The following CNIH3 variants were observed in gnomAD, a reference collection of about 807,000 sequenced individuals.
CNIH3 encodes cornichon family AMPA receptor auxiliary protein 3.
CNIH3 carries 14 observed loss-of-function variants against 24.1 expected under a neutral mutation model. The observed-to-expected ratio is 0.58, with a 90% CI of 0.38 to 0.91. The LOEUF is 0.91. Among genes scored for constraint, CNIH3 ranks in the 40% least tolerant of loss-of-function variants. CNIH3 has a pLI of 0.00. For missense variants in CNIH3, 178 were observed against 196.8 expected (o/e 0.90, Z 0.57); for synonymous variants, 68 against 73.8 (o/e 0.92, Z 0.40).
intron 1 of CNIH3, among the ~76,000 whole-genome samples, chr1:224,477,119 A>G (rs1676618755): frequency 6.6e-6 from 1 of 152,138 alleles, no homozygotes; most frequent in East Asian, 1.9e-4. Context: ...CCTCCCCATG[A>G]GCCTCCCCAT....
chr1:224,605,002 GA>G (rs1387428590), intron 3 of CNIH3, among the ~76,000 whole-genome samples: 1 of 152,186 alleles, frequency 6.6e-6, no homozygotes, highest in Non-Finnish European at 1.5e-5. Context: ...TATGGATTCA[GA>G]ATGGGGAATG....
chr1:224,735,662 T>A (rs993950061), intron 5 of CNIH3, among the ~76,000 whole-genome samples: 20 of 152,164 alleles, frequency 1.3e-4, no homozygotes, highest in Non-Finnish European at 4.4e-5. Context: ...TATTATTTTT[T>A]AATTTTTATT....
intron 3 of CNIH3, among the ~76,000 whole-genome samples, chr1:224,547,551 G>T (rs979200944): frequency 6.6e-6 from 1 of 151,880 alleles, no homozygotes; most frequent in Non-Finnish European, 1.5e-5. Context: ...AACACCCTGT[G>T]TGTACACCCC....
At chr1:224,737,608 C>T (rs1281220399) in intron 5 of CNIH3, among the ~76,000 whole-genome samples, 2 of 152,014 alleles carry the variant, frequency 1.3e-5, no homozygotes, top group Non-Finnish European at 1.5e-5. Flanking sequence ...GAAGGGGACT[C>T]GTGTATGCAG....
At chr1:224,534,343 G>GT (rs1679198494) in intron 2 of CNIH3, among the ~76,000 whole-genome samples, 1 of 152,212 alleles carries the variant, frequency 6.6e-6, no homozygotes, top group South Asian at 2.1e-4. Flanking sequence ...GTCTGGTGGA[G>GT]TCTGGAAAAT....
intron 4 of CNIH3, among the ~76,000 whole-genome samples, chr1:224,580,713 G>A (rs1241634918): frequency 6.6e-6 from 1 of 151,878 alleles, no homozygotes; most frequent in Non-Finnish European, 1.5e-5. Flanking sequence ...TATAATCCCA[G>A]CTACTTGGGA....
At chr1:224,526,540 C>A (rs940276168) in intron 2 of CNIH3, among the ~76,000 whole-genome samples, 1 of 152,086 alleles carries the variant, frequency 6.6e-6, no homozygotes, top group Non-Finnish European at 1.5e-5. Flanking sequence ...GGTGGGAGAG[C>A]AGATTCACTT....
chr1:224,558,656 T>C (rs369471167), intron 3 of CNIH3, among the ~76,000 whole-genome samples: 12 of 152,276 alleles, frequency 7.9e-5, no homozygotes, highest in African/African-American at 2.9e-4. Context: ...CAGTCCCTAG[T>C]GGGGAAAAAG....
At chr1:224,517,189 G>A (rs1275354754) in intron 1 of CNIH3, among the ~76,000 whole-genome samples, 1 of 152,124 alleles carries the variant, frequency 6.6e-6, no homozygotes, top group Non-Finnish European at 1.5e-5. Flanking sequence ...GGCGGCGGTG[G>A]TGGGATGACC....
intron 1 of CNIH3, among the ~76,000 whole-genome samples, chr1:224,649,598 A>T (rs1443686696): frequency 6.6e-6 from 1 of 152,216 alleles, no homozygotes; most frequent in Non-Finnish European, 1.5e-5. Flanking sequence ...ATTTAACTCT[A>T]ACCCCCAAGT....
chr1:224,589,479 C>T (rs1681659119), downstream of CNIH3, among the ~76,000 whole-genome samples: 1 of 152,214 alleles, frequency 6.6e-6, no homozygotes, highest in Non-Finnish European at 1.5e-5. Context: ...GAGTGAGCTG[C>T]AGCCTGCAGC....
At chr1:224,626,100 TG>T (rs1329368357) in intron 1 of CNIH3, among the ~76,000 whole-genome samples, 2 of 152,316 alleles carry the variant, frequency 1.3e-5, no homozygotes, top group East Asian at 3.9e-4. Flanking sequence ...TTCTAGGACC[TG>T]GAGGGTCTTT....
intron 3 of CNIH3, among the ~76,000 whole-genome samples, chr1:224,552,387 A>G (rs1475276939): frequency 6.6e-6 from 1 of 151,594 alleles, no homozygotes; most frequent in Non-Finnish European, 1.5e-5. Context: ...GGAGTAATAT[A>G]TCATCTCCCT....
At chr1:224,631,879 C>T (rs921795178) in intron 1 of CNIH3, among the ~76,000 whole-genome samples, 1 of 152,062 alleles carries the variant, frequency 6.6e-6, no homozygotes, top group Non-Finnish European at 1.5e-5. Context: ...GAGTTGATAG[C>T]AACATAGCCA....
At chr1:224,462,053 G>A (rs1001761496) in intron 1 of CNIH3, among the ~76,000 whole-genome samples, 1 of 151,962 alleles carries the variant, frequency 6.6e-6, no homozygotes, top group African/African-American at 2.4e-5. Flanking sequence ...TGAGCTGAAA[G>A]TACAGGGTGT....
chr1:224,689,585 G>A (rs1287798947), intron 3 of CNIH3, among the ~76,000 whole-genome samples: 2 of 152,212 alleles, frequency 1.3e-5, no homozygotes, highest in Non-Finnish European at 2.9e-5. Context: ...GTTGGGGATG[G>A]CGGGGAGGGT....
chr1:224,482,446 C>T (rs1312203938), intron 1 of CNIH3, among the ~76,000 whole-genome samples: 1 of 152,054 alleles, frequency 6.6e-6, no homozygotes, highest in Non-Finnish European at 1.5e-5. Context: ...GCTCTTTAGT[C>T]AGCAGATGAT....
intron 5 of CNIH3, among the ~76,000 whole-genome samples, chr1:224,586,663 C>T (rs1681523217): frequency 1.3e-5 from 2 of 152,306 alleles, no homozygotes; most frequent in Admixed American, 1.3e-4. Context: ...TGTGTTCACC[C>T]AGAACCTCAG....
intron 4 of CNIH3, among the ~76,000 whole-genome samples, chr1:224,733,733 A>G (rs1689453128): frequency 6.6e-6 from 1 of 152,170 alleles, no homozygotes; most frequent in African/African-American, 2.4e-5. Context: ...TACCAGAATG[A>G]CTGAAAAAGG....
Sources: allele counts gnomAD v4.1 joint callset (sites outside exome capture counted in the v4.1 genomes callset), GRCh38; gene constraint gnomAD v4.1.1; transcripts MANE v1.5; gene names NCBI Gene and HGNC (gene_info 2026-07-23, HGNC 2026-07-21).